The following MECOM variants were observed in gnomAD, a reference collection of about 807,000 sequenced individuals.
MECOM encodes MDS1 and EVI1 complex locus.
MECOM carries 13 observed loss-of-function variants against 116.3 expected under a neutral mutation model. The observed-to-expected ratio is 0.11, with a 90% confidence interval of 0.07 to 0.18. MECOM has a LOEUF of 0.18. Among genes scored for constraint, MECOM ranks in the 10% least tolerant of loss-of-function variants. The pLI is 1.00. For missense variants in MECOM, 1,299 were observed against 1,509.0 expected, an observed-to-expected ratio of 0.86 and a Z score of 2.31; for synonymous variants, 528 against 535.2, an observed-to-expected ratio of 0.99 and a Z score of 0.19.
intron 1 of MECOM, among the ~76,000 whole-genome samples, chr3:169,430,223 A>G (rs1161103792): frequency 1.3e-5 from 2 of 152,164 alleles, no homozygotes; most frequent in Non-Finnish European, 2.9e-5. Flanking sequence ...ATCTTTCATC[A>G]GGGCCATTTT....
At chr3:169,378,462 CAAGCAAGCAAGCAAGA>C (rs1296632085) in intron 2 of MECOM, among the ~76,000 whole-genome samples, 1 of 39,192 alleles carries the variant, frequency 2.6e-5, no homozygotes, top group African/African-American at 1.4e-4. Flanking sequence ...GGAAAGCAAG[CAAGCAAGCAAGCAAGA>C]AAGAGAGAGA....
At chr3:169,276,905 T>C (rs9290362) in intron 2 of MECOM, among the ~76,000 whole-genome samples, 49,692 of 152,214 alleles carry the variant, frequency 0.33, 14,140 homozygotes, top group African/African-American at 0.77. Context: ...AGAGTGAGCA[T>C]TATATAAAGT....
At chr3:169,240,756 C>T (rs1456881475) in intron 2 of MECOM, among the ~76,000 whole-genome samples, 1 of 152,086 alleles carries the variant, frequency 6.6e-6, no homozygotes, top group Non-Finnish European at 1.5e-5. Flanking sequence ...TAGATGCCAG[C>T]CAGTGGTAGA....
intron 1 of MECOM, among the ~76,000 whole-genome samples, chr3:169,607,990 C>G (rs886724293): frequency 1.3e-5 from 2 of 152,194 alleles, no homozygotes; most frequent in African/African-American, 4.8e-5. Context: ...CTCCCCTTGT[C>G]ATGTATCCCT....
At chr3:169,481,787 T>C (rs1004568670) in intron 1 of MECOM, among the ~76,000 whole-genome samples, 1 of 152,104 alleles carries the variant, frequency 6.6e-6, no homozygotes, top group Non-Finnish European at 1.5e-5. Flanking sequence ...CAATGACTGC[T>C]CCATGGTGAG....
intron 1 of MECOM, among the ~76,000 whole-genome samples, chr3:169,446,211 C>A (rs1400118635): frequency 6.6e-6 from 1 of 152,138 alleles, no homozygotes; most frequent in African/African-American, 2.4e-5. Context: ...GCTGTGTCCC[C>A]ACCCAACTCT....
intron 2 of MECOM, among the ~76,000 whole-genome samples, chr3:169,212,395 T>G (rs1349793823): frequency 2.0e-5 from 3 of 149,208 alleles, no homozygotes; most frequent in Non-Finnish European, 4.4e-5. Context: ...CATACTCCAA[T>G]GCCTGCAGGA....
intron 1 of MECOM, among the ~76,000 whole-genome samples, chr3:169,617,513 G>C (rs774690011): frequency 6.6e-6 from 1 of 152,172 alleles, no homozygotes; most frequent in Non-Finnish European, 1.5e-5. Context: ...GTGCTTGTCT[G>C]ATTAAAAGTT....
chr3:169,658,818 T>C (rs1775855954), intron 1 of MECOM, among the ~76,000 whole-genome samples: 2 of 151,780 alleles, frequency 1.3e-5, no homozygotes, highest in South Asian at 4.1e-4. Flanking sequence ...AAGTCAAGGT[T>C]CTCCATCTCA....
At position 169,102,110 on chromosome 3, in the gene MECOM, A is replaced by C; in HGVS notation, c.2721T>G (p.Asn907Lys). 6.2e-7 allele frequency: 1 copy of C among 1,613,790 alleles called. No homozygotes were observed. The highest frequency in any genetic ancestry group is 8.5e-7 in the Non-Finnish European group (1 of 1,179,848). ...TCCGCAGAAGGTTCTCTGGCAGGGC[A>C]TTGGGAGGCGCCCTGAAGTTGAACA... Reference protein sequence around the residue: ...PSMFNFRAPPNALPENLLRKG... With the variant: ...PSMFNFRAPPKALPENLLRKG... The change falls in exon 11 of 17, where the codon AAT (asparagine) becomes AAG (lysine). Residue 907 changes from asparagine to lysine, a missense_variant. Physicochemically the swap from Asn to Lys is moderately conservative, Grantham distance 94. This residue lies in a region of MECOM where 340 missense variants were observed against 312.6 expected (regional missense o/e 1.09). Coordinates refer to ENST00000651503, the MANE Select transcript of MECOM (RefSeq NM_004991.4).
intron 2 of MECOM, among the ~76,000 whole-genome samples, chr3:169,191,315 C>T (rs1365562209): frequency 2.0e-5 from 3 of 151,830 alleles, no homozygotes; most frequent in Non-Finnish European, 4.4e-5. Context: ...TAAACAAGCA[C>T]ATTCAGGACT....
chr3:169,324,496 T>G (rs1721499429), intron 2 of MECOM, among the ~76,000 whole-genome samples: 2 of 152,260 alleles, frequency 1.3e-5, no homozygotes, highest in African/African-American at 4.8e-5. Context: ...ATAGACAATA[T>G]CTTTCAAAAG....
intron 7 of MECOM, among the ~76,000 whole-genome samples, chr3:169,118,453 A>G (rs1729891717): frequency 6.6e-6 from 1 of 152,202 alleles, no homozygotes; most frequent in African/African-American, 2.4e-5. Context: ...TATACATCTA[A>G]TTTAAACTGT....
At position 169,364,825 on chromosome 3, in the gene MECOM, A is replaced by G. The variant is rs148313290; in HGVS notation, c.375+16362T>C. On this transcript the variant is annotated intron_variant, in intron 2 of 16. Transcript: ENST00000651503. ...TACTTACATTTACCAAATCAATTTA[A>G]TTTTTACAGGCCATGGCTTGGTGAC... is the stretch of plus-strand genomic sequence containing the variant. 6.8e-3 allele frequency among the ~76,000 whole-genome samples: 1,039 copies of G among 152,130 alleles called. 12 individuals are homozygous for G. Among genetic ancestry groups the G allele is most frequent in the Non-Finnish European group, 0.012 (786 of 67,942 alleles).
At chr3:169,430,642 C>T (rs1741464725) in intron 1 of MECOM, among the ~76,000 whole-genome samples, 1 of 152,154 alleles carries the variant, frequency 6.6e-6, no homozygotes, top group South Asian at 2.1e-4. Context: ...AGTCTATTTT[C>T]CCTACCTGCT....
intron 14 of MECOM, 60 bp from the exon 15 acceptor site, chr3:169,090,296 G>T (rs1719262148): frequency 2.7e-6 from 4 of 1,468,136 alleles, no homozygotes; most frequent in Non-Finnish European, 1.8e-6. Flanking sequence ...ATTGTAATTT[G>T]TTCCTTTATT....
In MECOM at chr3:169,639,691, G is replaced by A. The variant is rs940162420; in HGVS notation, c.37+23645C>T. 5.3e-5 allele frequency among the ~76,000 whole-genome samples: 8 copies of A among 152,196 alleles called. No homozygotes were observed. The East Asian group carries it at 7.7e-4, about 15-fold the overall frequency. The stretch of plus-strand genomic sequence containing the variant: ...ACTCTTGTAATCAGTATAGGGAAAA[G>A]GAATAAATTAAAACCAATTGCAATT... On this transcript the variant is annotated intron_variant, in intron 1 of 16. Transcript: ENST00000651503.
At chr3:169,386,551 T>G (rs181770311) in intron 1 of MECOM, among the ~76,000 whole-genome samples, 2 of 152,338 alleles carry the variant, frequency 1.3e-5, no homozygotes, top group Non-Finnish European at 2.9e-5. Context: ...AAACCCTTCC[T>G]TATGTGTATT....
Position 169,115,798 on chromosome 3 carries a change from G to A in MECOM, c.2074C>T (p.Pro692Ser). 1 of 1,614,078 alleles carries A rather than the reference G, an allele frequency of 6.2e-7. No homozygotes were observed. Among genetic ancestry groups the A allele is most frequent in the Non-Finnish European group, 8.5e-7 (1 of 1,180,016 alleles). The stretch of plus-strand genomic sequence containing the variant: ...AAAAATGGGAGGGGAAACATGGAAG[G>A]GTAAGGTAAAGCTCCAACTTTTTTG... ...QDKKVGALPY[P>S]SMFPLPFFPA... Residue 692 changes from proline to serine, a missense_variant, in exon 8 of 17, where the codon CCT (proline) becomes TCT (serine). Coordinates refer to ENST00000651503, the MANE Select transcript of MECOM (RefSeq NM_004991.4).
Sources: gnomAD v4.1 joint callset for allele counts (sites outside exome capture counted in the v4.1 genomes callset) on GRCh38, gnomAD v4.1.1 for gene constraint, gnomAD v4.1.1 regional missense constraint, MANE v1.5 for transcripts, NCBI Gene and HGNC (gene_info 2026-07-23, HGNC 2026-07-21) for gene names.